PPFIA2: variants seen among roughly 807,000 people sequenced by gnomAD.
PPFIA2 encodes PPFI scaffold protein A2.
A neutral mutation model predicts 175.5 loss-of-function variants in PPFIA2; 46 were observed. The ratio of observed to expected loss-of-function variants is 0.26; its 90% CI spans 0.21 to 0.34. The LOEUF (loss-of-function observed/expected upper bound fraction) is 0.34, where lower values mean the gene tolerates loss of function less well. PPFIA2 is among the 10% of genes least tolerant of loss of function. The probability of loss-of-function intolerance (pLI) is 1.00; values close to 1 mark genes in which losing one functional copy is unlikely to be tolerated. For synonymous variants in PPFIA2, 568 were observed against 511.4 expected, an observed-to-expected ratio of 1.11 and a Z score of -1.49; for missense variants, 1,179 against 1,506.1, an observed-to-expected ratio of 0.78 and a Z score of 3.60.
intron 7 of PPFIA2, among the ~76,000 whole-genome samples, chr12:81,415,616 T>C (rs1037442337): frequency 8.0e-5 from 12 of 150,802 alleles, no homozygotes; most frequent in African/African-American, 2.7e-4. Context: ...TAAAGGGTTT[T>C]TTAAAAAAGA....
At chr12:81,642,392 C>T (rs947658207) in intron 4 of PPFIA2, among the ~76,000 whole-genome samples, 3 of 151,392 alleles carry the variant, frequency 2.0e-5, no homozygotes, top group South Asian at 2.1e-4. Flanking sequence ...TTATCACCCT[C>T]CTATGTTCCT....
intron 3 of PPFIA2, among the ~76,000 whole-genome samples, chr12:81,683,973 G>A (rs138467230): frequency 6.6e-6 from 1 of 152,106 alleles, no homozygotes; most frequent in African/African-American, 2.4e-5. Flanking sequence ...CTAATAAAGA[G>A]AGAACCCACT....
chr12:81,524,618 G>A (rs527280166), intron 4 of PPFIA2, among the ~76,000 whole-genome samples: 2 of 152,298 alleles, frequency 1.3e-5, no homozygotes, highest in South Asian at 4.1e-4. Flanking sequence ...TGTATCTTGA[G>A]TCTCATCCAT....
intron 3 of PPFIA2, among the ~76,000 whole-genome samples, chr12:81,697,178 T>A (rs766946399): frequency 1.3e-5 from 2 of 152,070 alleles, no homozygotes; most frequent in Non-Finnish European, 2.9e-5. Flanking sequence ...AAGTAAAACA[T>A]CTTTCCCATT....
intron 4 of PPFIA2, among the ~76,000 whole-genome samples, chr12:81,477,827 G>C (rs955599330): frequency 2.6e-5 from 4 of 151,780 alleles, no homozygotes; most frequent in African/African-American, 9.7e-5. Context: ...GAGGATTTTC[G>C]CATTGATGTT....
At chr12:81,588,606 A>G (rs1295635267) in intron 4 of PPFIA2, among the ~76,000 whole-genome samples, 4 of 151,984 alleles carry the variant, frequency 2.6e-5, no homozygotes, top group Non-Finnish European at 5.9e-5. Flanking sequence ...CTCCATATTC[A>G]TCTCTCCTTC....
chr12:81,352,785 T>C (rs1269846220), intron 17 of PPFIA2, among the ~76,000 whole-genome samples: 1 of 152,192 alleles, frequency 6.6e-6, no homozygotes, highest in Non-Finnish European at 1.5e-5. Context: ...TCCCTTTAAG[T>C]AGTAAATTTT....
At chr12:81,506,119 A>G (rs1162634054) in intron 4 of PPFIA2, 2 of 152,238 alleles carry the variant, frequency 1.3e-5, no homozygotes, top group African/African-American at 4.8e-5. Flanking sequence ...TGCTGGTGGA[A>G]GGAACCAGAA....
At chr12:81,278,165 C>A (rs1456292193) in intron 27 of PPFIA2, among the ~76,000 whole-genome samples, 3 of 152,054 alleles carry the variant, frequency 2.0e-5, no homozygotes. Context: ...TTAAGGAAAG[C>A]CTTAAATTGT....
chr12:81,527,219 T>A (rs1482234478), intron 4 of PPFIA2, among the ~76,000 whole-genome samples: 3 of 152,120 alleles, frequency 2.0e-5, no homozygotes, highest in Non-Finnish European at 2.9e-5. Context: ...GCATTGGGCA[T>A]CTGATGCATC....
At chr12:81,731,672 T>G (rs2080929541) in intron 3 of PPFIA2, among the ~76,000 whole-genome samples, 1 of 151,624 alleles carries the variant, frequency 6.6e-6, no homozygotes, top group Admixed American at 6.6e-5. Flanking sequence ...AATGTGAGGG[T>G]TCAGAAAACA....
In PPFIA2 at chr12:81,743,243, C is replaced by A. The variant is rs561678864; in HGVS notation, c.249+10730G>T. ...ATCATCCTGGCTAACACAGTGAAAC[C>A]CCATCTCTACTAAAAATGCAAAAAT... On this transcript the variant is annotated intron_variant, in intron 3 of 32. Transcript: ENST00000549396. 2.0e-5 allele frequency among the ~76,000 whole-genome samples: 3 copies of A among 150,974 alleles called. No individual in the cohort carries two copies. The South Asian group carries it at 6.3e-4, about 32-fold the overall frequency.
chr12:81,444,868 C>T (rs891184838), intron 6 of PPFIA2, among the ~76,000 whole-genome samples: 14 of 152,018 alleles, frequency 9.2e-5, no homozygotes, highest in Admixed American at 4.6e-4. Context: ...TGAAATTTCA[C>T]GAAATTGAAA....
chr12:81,546,409 T>C (rs550177009), intron 4 of PPFIA2: 7 of 152,326 alleles, frequency 4.6e-5, no homozygotes, highest in African/African-American at 1.7e-4. Flanking sequence ...AAATGCAGGC[T>C]GTGGTAGTGC....
chr12:81,657,422 T>C (rs1258465305), intron 4 of PPFIA2, among the ~76,000 whole-genome samples: 2 of 152,166 alleles, frequency 1.3e-5, no homozygotes, highest in South Asian at 2.1e-4. Context: ...CTTGGACCTG[T>C]ACACGTCCTG....
chr12:81,522,268 C>T (rs1325438501), intron 4 of PPFIA2, among the ~76,000 whole-genome samples: 7 of 152,150 alleles, frequency 4.6e-5, no homozygotes, highest in Non-Finnish European at 1.0e-4. Context: ...AAATACTCTC[C>T]TATGTGTACA....
At chr12:81,679,687 G>A (rs1020676426) in intron 3 of PPFIA2, among the ~76,000 whole-genome samples, 3 of 151,886 alleles carry the variant, frequency 2.0e-5, no homozygotes, top group Non-Finnish European at 4.4e-5. Flanking sequence ...TGGGTAAGTT[G>A]TAAATTGAAT....
chr12:81,337,036 G>T (rs1258004463), intron 21 of PPFIA2, among the ~76,000 whole-genome samples: 1 of 152,124 alleles, frequency 6.6e-6, no homozygotes, highest in Non-Finnish European at 1.5e-5. Flanking sequence ...AAAACTGGTA[G>T]CCCTTAACTA....
intron 4 of PPFIA2, among the ~76,000 whole-genome samples, chr12:81,555,212 T>C (rs1297528736): frequency 6.6e-6 from 1 of 151,998 alleles, no homozygotes; most frequent in Non-Finnish European, 1.5e-5. Context: ...TTTTCTAATG[T>C]ATTTGACAAC....
Sources: allele counts gnomAD v4.1 joint callset (sites outside exome capture counted in the v4.1 genomes callset), GRCh38; gene constraint gnomAD v4.1.1; transcripts MANE v1.5; gene names NCBI Gene and HGNC (gene_info 2026-07-23, HGNC 2026-07-21).